CA12: variants seen among roughly 807,000 people sequenced by gnomAD.
CA12 encodes the protein carbonate dehydratase XII.
A neutral mutation model predicts 46.8 loss-of-function variants in CA12; 36 were observed. The ratio of observed to expected loss-of-function variants is 0.77; its 90% CI spans 0.59 to 1.02. The LOEUF is 1.02. Among genes scored for constraint, CA12 ranks in the 50% least tolerant of loss-of-function variants. The pLI is 0.00. For synonymous variants in CA12, 202 were observed against 187.0 expected (o/e 1.08, Z -0.65); for missense variants, 436 against 451.4 (o/e 0.97, Z 0.31).
At position 63,378,646 on chromosome 15, in the gene CA12, A is replaced by G. The variant is rs1172387066; in HGVS notation, c.86-2968T>C. On this transcript the variant is annotated intron_variant, in intron 1 of 10. Transcript: ENST00000178638. This position sits in a 1 kb window ranked among gnomAD's most constrained non-coding sequence, Gnocchi z 4.8. ...GAAAGCATTGCTTTCAAACCAAGCT[A>G]TAGAAGACATAAAACCTCTTCTGGA... 6.6e-6 allele frequency: 1 copy of G among 152,238 alleles called. No individual in the cohort carries two copies. The highest frequency in any genetic ancestry group is 2.1e-4 in the South Asian group (1 of 4,828). 9.4% of individuals were successfully genotyped at this position (152,238 alleles called of 1,614,324 possible).
rs2039131176 is a variant in CA12, at chr15:63,345,303, T to C, written c.429+174A>G. Among the ~76,000 whole-genome samples, 1 of 152,232 alleles carries C rather than the reference T, an allele frequency of 6.6e-6. No homozygotes were observed. The highest frequency in any genetic ancestry group is 2.1e-4 in the South Asian group (1 of 4,828). ...AAGAAAGGGACCAGGACAGTGCAGATGAGCTACAGGCTAGTGGAGTGGCTG... is the reference window on the plus strand; with the variant it reads ...AAGAAAGGGACCAGGACAGTGCAGACGAGCTACAGGCTAGTGGAGTGGCTG... On this transcript the variant is annotated intron_variant, in intron 4 of 10. Transcript: ENST00000178638. The surrounding 1 kb of genome is among the most constrained non-coding windows in gnomAD (Gnocchi z 4.3).
chr15:63,352,460 T>C (rs957788146), intron 2 of CA12, among the ~76,000 whole-genome samples: 1 of 152,150 alleles, frequency 6.6e-6, no homozygotes, highest in African/African-American at 2.4e-5. Context: ...GGCTCACTGA[T>C]GAAAGGTAGC....
At chr15:63,376,553 C>CT (rs1567056913) in intron 1 of CA12, among the ~76,000 whole-genome samples, 35 of 143,776 alleles carry the variant, frequency 2.4e-4, no homozygotes, top group African/African-American at 8.0e-4. Context: ...CACTCTCTTT[C>CT]TTTCCTTTCT....
At position 63,373,934 on chromosome 15, in the gene CA12, T is replaced by C. The variant is rs1303992752; in HGVS notation, c.106+1724A>G. Among the ~76,000 whole-genome samples, 1 of 152,228 alleles carries C rather than the reference T, an allele frequency of 6.6e-6. No individual in the cohort carries two copies. The highest frequency in any genetic ancestry group is 1.9e-4 in the East Asian group (1 of 5,196). On this transcript the variant is annotated intron_variant, in intron 2 of 10. Coordinates refer to ENST00000178638, the MANE Select transcript of CA12 (RefSeq NM_001218.5). This position sits in a 1 kb window ranked among gnomAD's most constrained non-coding sequence, Gnocchi z 4.9. ...GGCCCAGATTCTGCGATTCTTACTT[T>C]GTCAGTTCTCTTATCCTGGCCTGGC...
chr15:63,374,978 A>G lies in CA12; in HGVS notation c.106+680T>C, dbSNP rs553334539. Among the ~76,000 whole-genome samples, 32 of 152,230 alleles carry G rather than the reference A, an allele frequency of 2.1e-4. No individual in the cohort carries two copies. Among genetic ancestry groups the G allele is most frequent in the Admixed American group, 5.9e-4 (9 of 15,288 alleles). On this transcript the variant is annotated intron_variant, in intron 2 of 10. Coordinates refer to ENST00000178638, the MANE Select transcript of CA12 (RefSeq NM_001218.5). The surrounding 1 kb of genome is among the most constrained non-coding windows in gnomAD (Gnocchi z 4.4). ...TGGCCTGCCACATCCATTCCAGCCA[A>G]TGACCAATTTCTAATTCACTGCAAC... is the stretch of plus-strand genomic sequence containing the variant.
rs555333225 is a variant in CA12 at position 63,374,215 on chromosome 15, C to T, written c.106+1443G>A. ...TCTCTGACCTTAGAGCCCGTGACTC[C>T]GCTATCAACCCTTCTCCACATGCTT... is the stretch of plus-strand genomic sequence containing the variant. On this transcript the variant is annotated intron_variant, in intron 2 of 10. Transcript: ENST00000178638. This position sits in a 1 kb window ranked among gnomAD's most constrained non-coding sequence, Gnocchi z 4.4. 3.9e-5 allele frequency among the ~76,000 whole-genome samples: 6 copies of T among 152,246 alleles called. No homozygotes were observed. Among genetic ancestry groups the T allele is most frequent in the Admixed American group, 6.5e-5 (1 of 15,294 alleles).
At chr15:63,335,911 C>T (rs2038997374) in intron 8 of CA12, among the ~76,000 whole-genome samples, 1 of 152,214 alleles carries the variant, frequency 6.6e-6, no homozygotes, top group Admixed American at 6.5e-5. Flanking sequence ...TGGGCCTTCA[C>T]CCCTTTGGGA....
intron 8 of CA12, among the ~76,000 whole-genome samples, chr15:63,337,465 G>GT (rs912002019): frequency 1.7e-4 from 26 of 151,254 alleles, no homozygotes; most frequent in South Asian, 1.0e-3. Context: ...TTGTTTTTTG[G>GT]TTTTTTTTTG....
intron 3 of CA12, among the ~76,000 whole-genome samples, chr15:63,346,028 C>T (rs1430221323): frequency 6.6e-6 from 1 of 152,184 alleles, no homozygotes; most frequent in Non-Finnish European, 1.5e-5. Context: ...CTCTGTATGC[C>T]AGACCCCAAC....
At chr15:63,359,075 C>A (rs1463141936) in intron 2 of CA12, among the ~76,000 whole-genome samples, 4 of 152,098 alleles carry the variant, frequency 2.6e-5, no homozygotes, top group African/African-American at 9.7e-5. Context: ...GCCCCTTCTC[C>A]TTCTTACAGA....
chr15:63,352,230 T>C lies in CA12; in HGVS notation c.107-5521A>G, dbSNP rs544821281. Among the ~76,000 whole-genome samples the C allele has an allele frequency of 4.6e-5, 7 of 152,296 alleles. No individual in the cohort carries two copies. The South Asian group carries it at 1.2e-3, about 27-fold the overall frequency. On this transcript the variant is annotated intron_variant, in intron 2 of 10. Transcript: ENST00000178638. ...GCCTCCACGCCCAGCTAATTTTTTA[T>C]ATTTTTAGTCGACATGGGGTTTCGC...
chr15:63,337,070 C>A (rs1395271837), intron 8 of CA12, among the ~76,000 whole-genome samples: 1 of 152,138 alleles, frequency 6.6e-6, no homozygotes, highest in Non-Finnish European at 1.5e-5. Context: ...AGTTCATTTC[C>A]TAGAAAAGAA....
chr15:63,337,423 C>T (rs2152613935), intron 8 of CA12, among the ~76,000 whole-genome samples: 1 of 152,262 alleles, frequency 6.6e-6, no homozygotes, highest in East Asian at 1.9e-4. Context: ...AGAGCAGATT[C>T]TGACAAGTGG....
intron 8 of CA12, among the ~76,000 whole-genome samples, chr15:63,336,931 G>A (rs150702578): frequency 6.6e-6 from 1 of 152,242 alleles, no homozygotes; most frequent in East Asian, 1.9e-4. Context: ...CTAATCTCCT[G>A]GCAGAGTTTT....
At chr15:63,359,316 C>G (rs529332136) in intron 2 of CA12, among the ~76,000 whole-genome samples, 1 of 152,076 alleles carries the variant, frequency 6.6e-6, no homozygotes, top group Admixed American at 6.6e-5. Context: ...AAAGCTCCCC[C>G]CAACCCTCTA....
chr15:63,379,428 C>T (rs528995662), intron 1 of CA12, among the ~76,000 whole-genome samples: 1 of 152,220 alleles, frequency 6.6e-6, no homozygotes, highest in East Asian at 1.9e-4. Context: ...GGAATTGCAC[C>T]CCCTGGTTCC....
At chr15:63,336,229 T>C (rs1046517951) in intron 8 of CA12, among the ~76,000 whole-genome samples, 1 of 152,206 alleles carries the variant, frequency 6.6e-6, no homozygotes, top group Non-Finnish European at 1.5e-5. Context: ...CAAGCTCCCC[T>C]ATCCAGACTG....
At chr15:63,333,342 G>C (rs762826287) in intron 8 of CA12, among the ~76,000 whole-genome samples, 1 of 152,188 alleles carries the variant, frequency 6.6e-6, no homozygotes, top group Non-Finnish European at 1.5e-5. Flanking sequence ...CCTGTGCCAC[G>C]GGCTGTGTTT....
At chr15:63,364,016 C>T (rs565268894) in intron 2 of CA12, among the ~76,000 whole-genome samples, 3 of 151,948 alleles carry the variant, frequency 2.0e-5, no homozygotes, top group South Asian at 2.1e-4. Context: ...GGAGAAACCC[C>T]ATCTCTACTA....
Sources: allele counts gnomAD v4.1 joint callset (sites outside exome capture counted in the v4.1 genomes callset), GRCh38; gene constraint gnomAD v4.1.1; non-coding constraint Gnocchi (gnomAD v3.1); transcripts MANE v1.5; gene names NCBI Gene and HGNC (gene_info 2026-07-23, HGNC 2026-07-21).